The following FLT4 variants were observed in gnomAD, a reference collection of about 807,000 sequenced individuals.
FLT4 encodes the protein fms related receptor tyrosine kinase 4.
In FLT4, 30 loss-of-function variants were observed where a neutral mutation model predicts 163.2. The ratio of observed to expected loss-of-function variants is 0.18; its 90% CI spans 0.14 to 0.25. FLT4 has a LOEUF of 0.25. Among genes scored for constraint, FLT4 ranks in the 10% least tolerant of loss-of-function variants. The pLI, the probability that FLT4 is intolerant of heterozygous loss-of-function variation, is 1.00. For missense variants in FLT4, 1,510 were observed against 1,863.8 expected (o/e 0.81, Z 3.50); for synonymous variants, 884 against 789.5 (o/e 1.12, Z -2.01).
chr5:180,616,381 C>T lies in FLT4; in HGVS notation c.3205G>A (p.Val1069Ile), dbSNP rs760077499. The stretch of plus-strand genomic sequence containing the variant: ...CCTGCACTCACACTGCCCTTGCGGA[C>T]GTAGTCGGGGTCTTTGTAGATGTCC... ...ARDIYKDPDY[V>I]RKGSARLPLK... The change falls in exon 23 of 30, where the codon GTC (valine) becomes ATC (isoleucine). Residue 1069 changes from valine to isoleucine, a missense_variant. Val to Ile is a conservative substitution (Grantham distance 29). Coordinates refer to ENST00000261937, the MANE Select transcript of FLT4 (RefSeq NM_182925.5). 1.3e-5 allele frequency: 21 copies of T among 1,613,864 alleles called. No individual in the cohort carries two copies. Among genetic ancestry groups the T allele is most frequent in the African/African-American group, 6.7e-5 (5 of 74,934 alleles).
At chr5:180,628,822 T>C in intron 8 of FLT4, 60 bp downstream of exon 8, 1 of 1,189,564 alleles carries the variant, frequency 8.4e-7, no homozygotes, top group Non-Finnish European at 1.2e-6. Flanking sequence ...CCCTATGGTC[T>C]GTTTTGCCCC....
intron 1 of FLT4, among the ~76,000 whole-genome samples, chr5:180,633,681 A>G (rs924060714): frequency 6.6e-6 from 1 of 152,090 alleles, no homozygotes. Context: ...CAGGTAGTGG[A>G]AAGTAAGTCC....
At chr5:180,606,252 C>T (rs1423032435) in intron 29 of FLT4, among the ~76,000 whole-genome samples, 1 of 151,902 alleles carries the variant, frequency 6.6e-6, no homozygotes, top group Non-Finnish European at 1.5e-5. Flanking sequence ...GAACTTTCTT[C>T]TTCCTCTACC....
At chr5:180,614,737 C>T (rs1186908667) in intron 23 of FLT4, among the ~76,000 whole-genome samples, 1 of 152,156 alleles carries the variant, frequency 6.6e-6, no homozygotes, top group Non-Finnish European at 1.5e-5. Flanking sequence ...CCCCACTCCC[C>T]TCTCTTCCCA....
In FLT4 at chr5:180,625,875, C is replaced by T. The variant is rs143813005; in HGVS notation, c.1415G>A (p.Arg472His). The stretch of plus-strand genomic sequence containing the variant: ...AGGCTGGAGCTGTACTCACAGACTA[C>T]GCTGGGCAAACATCTTGCAGGGTGT... ...PWTPCKMFAQ[R>H]SLRRRQQQDL... is the part of the protein sequence containing the mutation. The change falls in exon 10 of 30, where the codon CGT becomes CAT. Residue 472 changes from arginine (R) to histidine (H), a missense_variant. By Grantham distance (29) the Arg-to-His change is conservative. This residue lies in a region of FLT4 where 878 missense variants were observed against 1,016.7 expected (regional missense o/e 0.86). Transcript: ENST00000261937. 3.3e-5 allele frequency: 53 copies of T among 1,611,486 alleles called. No individual in the cohort carries two copies. The African/African-American group carries it at 3.5e-4, about 11-fold the overall frequency.
At position 180,630,495 on chromosome 5, in the gene FLT4, G is replaced by A. The variant is rs1331514512; in HGVS notation, c.400+60C>T. On this transcript the variant is annotated intron_variant, in intron 3 of 29. Coordinates refer to ENST00000261937, the MANE Select transcript of FLT4 (RefSeq NM_182925.5). This position sits in a 1 kb window ranked among gnomAD's most constrained non-coding sequence, Gnocchi z 6.3. ...CCAGCCCAGGGTCCACAGGCTGGGG[G>A]CGGTGTGGGCCCCAGCTGCCCGGGA... The A allele has an allele frequency of 6.2e-7, 1 of 1,605,414 alleles. No individual in the cohort carries two copies. Among genetic ancestry groups the A allele is most frequent in the African/African-American group, 1.3e-5 (1 of 74,738 alleles).
Position 180,619,571 on chromosome 5 carries a change from TCA to T in FLT4, c.2647+92_2647+93del, listed in dbSNP as rs745911364. Reference sequence around the variant, plus strand: ...TCTCGGATGAGACTGGCTTCCAGCCTCAGTCTCCCTTCCCGAGTTGCCGTCCC... The same window carrying T: ...TCTCGGATGAGACTGGCTTCCAGCCTGTCTCCCTTCCCGAGTTGCCGTCCC... On this transcript the variant is annotated intron_variant, in intron 18 of 29. Coordinates refer to ENST00000261937, the MANE Select transcript of FLT4 (RefSeq NM_182925.5). The T allele has an allele frequency of 4.9e-4, 538 of 1,099,080 alleles. 1 individual carries two copies. Among genetic ancestry groups the T allele is most frequent in the Non-Finnish European group, 7.1e-4 (508 of 710,756 alleles). 68.1% of individuals were successfully genotyped at this position (1,099,080 alleles called of 1,614,324 possible).
At chr5:180,621,349 CTGGACTT>C in intron 13 of FLT4, 97 bp from the exon 14 acceptor site, 2 of 1,480,568 alleles carry the variant, frequency 1.4e-6, no homozygotes, top group South Asian at 2.6e-5. Context: ...TCCCTGGAAG[CTGGACTT>C]AGGGGTTGTG....
In FLT4 at chr5:180,630,228, G is replaced by A; in HGVS notation, c.510C>T (p.Arg170=). Reference sequence around the variant, plus strand: ...TGGGGTTGGGGTGGGGCCGTACCGAGCGCAGCGTGACATTGAGGCCGGGGA... The same window carrying A: ...TGGGGTTGGGGTGGGGCCGTACCGAACGCAGCGTGACATTGAGGCCGGGGA... ...VSIPGLNVTL[R]SQSSVLWPDG... Residue 170 remains arginine, a synonymous_variant, in exon 4 of 30, where the codon CGC becomes CGT. Coordinates refer to ENST00000261937, the MANE Select transcript of FLT4 (RefSeq NM_182925.5). The surrounding 1 kb of genome is among the most constrained non-coding windows in gnomAD (Gnocchi z 6.3). 1 of 1,612,106 alleles carries A rather than the reference G, an allele frequency of 6.2e-7. No individual in the cohort carries two copies. Among genetic ancestry groups the A allele is most frequent in the Non-Finnish European group, 8.5e-7 (1 of 1,179,476 alleles).
chr5:180,645,690 C>G (rs1314971524), intron 1 of FLT4, among the ~76,000 whole-genome samples: 1 of 152,188 alleles, frequency 6.6e-6, no homozygotes, highest in Non-Finnish European at 1.5e-5. Flanking sequence ...CCGTCCAGCC[C>G]GGCCAGGGCT....
At chr5:180,610,078 G>C in intron 27 of FLT4, 53 bp from the exon 28 acceptor site, 1 of 1,611,874 alleles carries the variant, frequency 6.2e-7, no homozygotes, top group Non-Finnish European at 8.5e-7. Flanking sequence ...AACCCTCCTC[G>C]AACTTCTCTC....
chr5:180,644,055 G>A (rs890016360), intron 1 of FLT4, among the ~76,000 whole-genome samples: 5 of 152,272 alleles, frequency 3.3e-5, no homozygotes, highest in Non-Finnish European at 7.4e-5. Context: ...TTAACCTTGT[G>A]ATCCGCCCGC....
intron 27 of FLT4, among the ~76,000 whole-genome samples, chr5:180,611,106 G>T (rs769931922): frequency 6.6e-6 from 1 of 152,184 alleles, no homozygotes; most frequent in Non-Finnish European, 1.5e-5. Context: ...GGGGTGAGGG[G>T]ACACTGGTGG....
intron 1 of FLT4, among the ~76,000 whole-genome samples, chr5:180,644,095 G>A (rs933807713): frequency 6.6e-6 from 1 of 152,204 alleles, no homozygotes; most frequent in African/African-American, 2.4e-5. Flanking sequence ...GGGATTACAG[G>A]CGTGAGCCAC....
In FLT4 at chr5:180,602,744, CTGAGGAG is replaced by C; in HGVS notation, c.*441_*447del. The C allele has an allele frequency of 2.2e-6, 1 of 463,324 alleles. No homozygotes were observed. Among genetic ancestry groups the C allele is most frequent in the Non-Finnish European group, 3.8e-6 (1 of 264,610 alleles). 28.7% of individuals were successfully genotyped at this position (463,324 alleles called of 1,614,324 possible). On this transcript the variant is annotated 3_prime_UTR_variant, in exon 30 of 30. Coordinates refer to ENST00000261937, the MANE Select transcript of FLT4 (RefSeq NM_182925.5). ...CCTCGTGGGGAGAGTAGCTGTGTGC[CTGAGGAG>C]GAAAGGGCGTTTGGGAGACCTCTGC...
rs1176660860 is a variant in FLT4, at chr5:180,636,689, T to C, written c.59-4911A>G. On this transcript the variant is annotated intron_variant, in intron 1 of 29. Transcript: ENST00000261937. The surrounding 1 kb of genome is among the most constrained non-coding windows in gnomAD (Gnocchi z 4.3). ...TGAATCACTCAGTTCTGTGGGCGCA[T>C]CCTGGACCTGGTCATCACCAGAGAC... Among the ~76,000 whole-genome samples, 1 of 151,938 alleles carries C rather than the reference T, an allele frequency of 6.6e-6. No individual in the cohort carries two copies. The highest frequency in any genetic ancestry group is 2.4e-5 in the African/African-American group (1 of 41,330).
At position 180,621,150 on chromosome 5, in the gene FLT4, C is replaced by G; in HGVS notation, c.2123G>C (p.Ser708Thr). 1 of 1,612,840 alleles carries G rather than the reference C, an allele frequency of 6.2e-7. No individual in the cohort carries two copies. Among genetic ancestry groups the G allele is most frequent in the Non-Finnish European group, 8.5e-7 (1 of 1,179,992 alleles). Residue 708 changes from serine (S) to threonine (T), a missense_variant, in exon 14 of 30, where the codon AGC becomes ACC. Physicochemically the swap from Ser to Thr is moderately conservative, Grantham distance 58 (BLOSUM62 1). Transcript: ENST00000261937. Reference sequence around the variant, plus strand: ...CCTCTCGTCTTTGTACCACACGATGCTGGGCGCGTGCGCTCCGGCCACCAA... The same window carrying G: ...CCTCTCGTCTTTGTACCACACGATGGTGGGCGCGTGCGCTCCGGCCACCAA... ...QCLVAGAHAP[S>T]IVWYKDERLL...
At chr5:180,629,536 C>G in intron 6 of FLT4, 109 bp from the exon 7 acceptor site, 1 of 1,499,340 alleles carries the variant, frequency 6.7e-7, no homozygotes. Context: ...AGCCCTGGAC[C>G]CAGGCCCTGA....
chr5:180,618,611 G>A (rs1762857831), intron 21 of FLT4, among the ~76,000 whole-genome samples, 159 bp downstream of exon 21: 1 of 152,248 alleles, frequency 6.6e-6, no homozygotes, highest in Admixed American at 6.5e-5. Flanking sequence ...AAACATCTGT[G>A]TGAAAATTGT....
Sources: gnomAD v4.1 joint callset for allele counts (sites outside exome capture counted in the v4.1 genomes callset) on GRCh38, gnomAD v4.1.1 for gene constraint, gnomAD v4.1.1 regional missense constraint, Gnocchi (gnomAD v3.1) non-coding constraint, MANE v1.5 for transcripts, NCBI Gene and HGNC (gene_info 2026-07-23, HGNC 2026-07-21) for gene names.